The following SLC24A2 variants were observed in gnomAD, a reference collection of about 807,000 sequenced individuals.
The protein encoded by SLC24A2 is sodium/potassium/calcium exchanger 2.
A neutral mutation model predicts 62.0 loss-of-function variants in SLC24A2; 36 were observed. The ratio of observed to expected loss-of-function variants is 0.58; its 90% CI spans 0.44 to 0.77. The LOEUF is 0.77. Among genes scored for constraint, SLC24A2 ranks in the 30% least tolerant of loss-of-function variants. The pLI is 0.00. For synonymous variants in SLC24A2, 358 were observed against 294.0 expected, an observed-to-expected ratio of 1.22 and a Z score of -2.23; for missense variants, 846 against 817.9, an observed-to-expected ratio of 1.03 and a Z score of -0.42.
chr9:19,612,500 T>TA (rs1297039384), intron 4 of SLC24A2, among the ~76,000 whole-genome samples: 1 of 152,124 alleles, frequency 6.6e-6, no homozygotes, highest in Non-Finnish European at 1.5e-5. Flanking sequence ...CGCATACTAT[T>TA]AAAACAACCC....
chr9:19,690,953 G>C (rs1272268044), intron 2 of SLC24A2, among the ~76,000 whole-genome samples: 2 of 151,520 alleles, frequency 1.3e-5, no homozygotes, highest in African/African-American at 2.4e-5. Flanking sequence ...GAGAGACAGA[G>C]AGAGAATGTG....
At position 19,712,044 on chromosome 9, in the gene SLC24A2, C is replaced by T. The variant is rs143926687; in HGVS notation, c.930+73893G>A. On this transcript the variant is annotated intron_variant, in intron 2 of 10. Transcript: ENST00000341998. Reference sequence around the variant, plus strand: ...ACAATGGAGGACAGTTTTCTGTGCCCCTGAACAATACCAAAGTGGCTGCCC... The same window carrying T: ...ACAATGGAGGACAGTTTTCTGTGCCTCTGAACAATACCAAAGTGGCTGCCC... 4.1e-3 allele frequency among the ~76,000 whole-genome samples: 622 copies of T among 152,202 alleles called. 2 individuals are homozygous for T. The highest frequency in any genetic ancestry group is 6.6e-3 in the Non-Finnish European group (447 of 67,996).
intron 3 of SLC24A2, among the ~76,000 whole-genome samples, chr9:19,620,520 A>G (rs1817883169): frequency 6.6e-6 from 1 of 152,210 alleles, no homozygotes; most frequent in Non-Finnish European, 1.5e-5. Context: ...TTGGCCAAAT[A>G]AAAGGAACTG....
intron 2 of SLC24A2, among the ~76,000 whole-genome samples, chr9:19,671,105 T>C (rs1819400991): frequency 6.6e-6 from 1 of 151,752 alleles, no homozygotes; most frequent in Non-Finnish European, 1.5e-5. Flanking sequence ...GGTATTTGGA[T>C]GGAAATCGCG....
At chr9:20,237,059 G>C in the SLC24A2 span, among the ~76,000 whole-genome samples, 1 of 152,076 alleles carries the variant, frequency 6.6e-6, no homozygotes, top group Non-Finnish European at 1.5e-5. Context: ...GCAAACACCA[G>C]AGACTCAAAA....
At chr9:20,165,983 G>A in the SLC24A2 span, among the ~76,000 whole-genome samples, 1 of 151,672 alleles carries the variant, frequency 6.6e-6, no homozygotes, top group Non-Finnish European at 1.5e-5. Flanking sequence ...ATGGAAAAAA[G>A]ACATGAGCAA....
At position 19,542,131 on chromosome 9, in the gene SLC24A2, G is replaced by A. The variant is rs2132711354; in HGVS notation, c.1479+8006C>T. On this transcript the variant is annotated intron_variant, in intron 8 of 10. Coordinates refer to ENST00000341998, the MANE Select transcript of SLC24A2 (RefSeq NM_020344.4). ...GGCACTCCCTAGTGAGATGAACCCG[G>A]TACCTCAGATGGAAATGCAGAAATC... Among the ~76,000 whole-genome samples the A allele has an allele frequency of 1.3e-5, 2 of 152,290 alleles. 1 individual carries two copies. The highest frequency in any genetic ancestry group is 6.8e-3 in the Middle Eastern group (2 of 294).
At chr9:19,694,114 A>G (rs530282650) in intron 2 of SLC24A2, among the ~76,000 whole-genome samples, 13 of 152,258 alleles carry the variant, frequency 8.5e-5, no homozygotes, top group Non-Finnish European at 1.9e-4. Flanking sequence ...AAAATCCCAA[A>G]TCTTACACTG....
At chr9:19,850,980 TATATGTATATATATATATATAC>T in the SLC24A2 span, among the ~76,000 whole-genome samples, 72 of 42,018 alleles carry the variant, frequency 1.7e-3, 4 homozygotes, top group Non-Finnish European at 2.5e-3. Flanking sequence ...TATATATATA[TATATGTATATATATATATATAC>T]ACATACATAT....
intron 8 of SLC24A2, among the ~76,000 whole-genome samples, chr9:19,542,047 C>T (rs1834291195): frequency 2.0e-5 from 3 of 152,222 alleles, no homozygotes; most frequent in African/African-American, 2.4e-5. Context: ...TGAGGCAATG[C>T]CTCGCCCTGC....
intron 7 of SLC24A2, among the ~76,000 whole-genome samples, chr9:19,564,429 G>T (rs534777630): frequency 6.6e-6 from 1 of 152,188 alleles, no homozygotes; most frequent in Non-Finnish European, 1.5e-5. Flanking sequence ...AGAAGAGAAA[G>T]AGCTTAATAT....
the SLC24A2 span, chr9:19,926,213 C>G: frequency 6.6e-6 from 1 of 152,282 alleles, no homozygotes; most frequent in Admixed American, 6.5e-5. Flanking sequence ...GGCGGCGGCT[C>G]CTTTCTCCCT....
At chr9:20,216,433 G>C in the SLC24A2 span, among the ~76,000 whole-genome samples, 1 of 152,172 alleles carries the variant, frequency 6.6e-6, no homozygotes, top group Non-Finnish European at 1.5e-5. Flanking sequence ...TAAGATACTT[G>C]TGTTATACAA....
At chr9:19,898,067 G>C in the SLC24A2 span, among the ~76,000 whole-genome samples, 106 of 152,328 alleles carry the variant, frequency 7.0e-4, no homozygotes, top group African/African-American at 2.4e-3. Context: ...AGGCCTGGCT[G>C]GAGGAGGGAA....
the SLC24A2 span, among the ~76,000 whole-genome samples, chr9:20,163,011 C>T: frequency 6.6e-6 from 1 of 152,122 alleles, no homozygotes; most frequent in South Asian, 2.1e-4. Context: ...ATGACAAACT[C>T]ACAGCCAATA....
At chr9:19,780,930 G>C (rs886071369) in intron 2 of SLC24A2, among the ~76,000 whole-genome samples, 1 of 141,400 alleles carries the variant, frequency 7.1e-6, no homozygotes, top group African/African-American at 2.6e-5. Context: ...GGGAAAAAGA[G>C]AGTTAGAAAA....
chr9:19,903,996 A>G, the SLC24A2 span, among the ~76,000 whole-genome samples: 1 of 152,206 alleles, frequency 6.6e-6, no homozygotes, highest in African/African-American at 2.4e-5. Flanking sequence ...GTTAGCAGTA[A>G]GGGCCAGTAC....
the SLC24A2 span, among the ~76,000 whole-genome samples, chr9:20,134,742 A>C: frequency 6.6e-6 from 1 of 152,168 alleles, no homozygotes; most frequent in African/African-American, 2.4e-5. Context: ...GTCTAACTGC[A>C]CCTGGGCCAC....
rs1832730994 is a variant in SLC24A2, at chr9:19,511,938, C to T, written c.*4215G>A. 1 of 152,262 alleles carries T rather than the reference C, an allele frequency of 6.6e-6. No individual in the cohort carries two copies. Among genetic ancestry groups the T allele is most frequent in the Admixed American group, 6.5e-5 (1 of 15,272 alleles). The allele number at this position is 152,262 out of a possible 1,614,324, so 9.4% of individuals were successfully genotyped here. Reference sequence around the variant, plus strand: ...AGCACACTGCCATGTTCTGAAATGCCTGCCATCAGACCCATGTTAGATAGT... The same window carrying T: ...AGCACACTGCCATGTTCTGAAATGCTTGCCATCAGACCCATGTTAGATAGT... On this transcript the variant is annotated 3_prime_UTR_variant, in exon 11 of 11. Coordinates refer to ENST00000341998, the MANE Select transcript of SLC24A2 (RefSeq NM_020344.4).
Sources: allele counts gnomAD v4.1 joint callset (sites outside exome capture counted in the v4.1 genomes callset), GRCh38; gene constraint gnomAD v4.1.1; transcripts MANE v1.5; gene names NCBI Gene and HGNC (gene_info 2026-07-23, HGNC 2026-07-21).